Variants in GKAP1 observed in about 807,000 individuals in gnomAD.
GKAP1 encodes G kinase anchoring protein 1, also known as G kinase-anchoring protein 1.
In GKAP1, 31 loss-of-function variants were observed where a neutral mutation model predicts 56.7. The ratio of observed to expected loss-of-function variants is 0.55; its 90% CI spans 0.41 to 0.74. GKAP1 has a LOEUF of 0.74. GKAP1 is among the 30% of genes least tolerant of loss of function. The pLI is 0.00. For missense variants in GKAP1, 364 were observed against 402.3 expected, an observed-to-expected ratio of 0.90 and a Z score of 0.82; for synonymous variants, 151 against 138.6, an observed-to-expected ratio of 1.09 and a Z score of -0.63.
intron 4 of GKAP1, among the ~76,000 whole-genome samples, chr9:83,791,937 T>C (rs1413130817): frequency 1.3e-5 from 2 of 152,212 alleles, no homozygotes; most frequent in Non-Finnish European, 2.9e-5. Flanking sequence ...GTTAATGTTA[T>C]AATATTAAGA....
intron 4 of GKAP1, among the ~76,000 whole-genome samples, 155 bp downstream of exon 4, chr9:83,799,030 T>C (rs553001142): frequency 1.3e-5 from 2 of 152,258 alleles, no homozygotes; most frequent in African/African-American, 4.8e-5. Flanking sequence ...TTTCAGTAGA[T>C]CAAAAACAGA....
intron 3 of GKAP1, among the ~76,000 whole-genome samples, chr9:83,803,378 G>A (rs562837677): frequency 3.9e-5 from 6 of 152,160 alleles, no homozygotes; most frequent in South Asian, 2.1e-4. Flanking sequence ...TCAGCCTGCC[G>A]AGTGCCTGCG....
chr9:83,766,966 T>C (rs1258633700), intron 8 of GKAP1, among the ~76,000 whole-genome samples: 1 of 152,196 alleles, frequency 6.6e-6, no homozygotes, highest in Non-Finnish European at 1.5e-5. Context: ...AAAGTGTTCA[T>C]GGGGACATTA....
intron 1 of GKAP1, 31 bp downstream of exon 1, chr9:83,817,486 C>T (rs1244305735): frequency 6.6e-6 from 1 of 151,428 alleles, no homozygotes; most frequent in Non-Finnish European, 1.5e-5. Flanking sequence ...GAGCGGACAC[C>T]CGCGAGGCGG....
chr9:83,787,403 A>C (rs114164471), intron 5 of GKAP1, among the ~76,000 whole-genome samples: 4 of 102,930 alleles, frequency 3.9e-5, no homozygotes, highest in African/African-American at 1.2e-4. Flanking sequence ...TGCCCAGCTA[A>C]TTAAAAAAAA....
At chr9:83,795,438 C>T (rs766915102) in intron 4 of GKAP1, among the ~76,000 whole-genome samples, 10 of 152,026 alleles carry the variant, frequency 6.6e-5, no homozygotes, top group African/African-American at 1.2e-4. Flanking sequence ...CTTTATTGAA[C>T]TAGCTTAAAT....
chr9:83,752,980 T>C (rs114843054), intron 9 of GKAP1, among the ~76,000 whole-genome samples: 1,956 of 151,848 alleles, frequency 0.013, 34 homozygotes, highest in African/African-American at 0.045. Context: ...GGAGAATCGC[T>C]TGAACCCAGG....
At chr9:83,793,295 C>T (rs1285772650) in intron 4 of GKAP1, among the ~76,000 whole-genome samples, 1 of 152,200 alleles carries the variant, frequency 6.6e-6, no homozygotes, top group African/African-American at 2.4e-5. Context: ...ACATCTAACA[C>T]TTGCAGCCAA....
At chr9:83,803,242 T>TCTCCC (rs1426375867) in intron 3 of GKAP1, among the ~76,000 whole-genome samples, 1 of 148,978 alleles carries the variant, frequency 6.7e-6, no homozygotes, top group Non-Finnish European at 1.5e-5. Flanking sequence ...CCCTCTCCCC[T>TCTCCC]CTCCCCTCTC....
At chr9:83,769,340 A>T (rs1178347719) in intron 7 of GKAP1, among the ~76,000 whole-genome samples, 2 of 152,190 alleles carry the variant, frequency 1.3e-5, no homozygotes, top group Non-Finnish European at 1.5e-5. Flanking sequence ...ACTATATAAC[A>T]ATTCCATCAC....
Position 83,739,711 on chromosome 9 carries a change from C to A in GKAP1, c.1087G>T (p.Asp363Tyr). 1.2e-6 allele frequency: 2 copies of A among 1,607,898 alleles called. No homozygotes were observed. The highest frequency in any genetic ancestry group is 1.1e-5 in the South Asian group (1 of 90,204). ...GGCTAATGTAATCACCTACACTGGT[C>A]GGATTCAGAGTTTCTTTTCCCTTTT... ...GRKGKRNSES[D>Y]QCR is the part of the protein sequence containing the mutation. The change falls in exon 13 of 13, where the codon GAC (aspartate) becomes TAC (tyrosine). Residue 363 changes from aspartate (D) to tyrosine (Y), a missense_variant. Transcript: ENST00000376371.
intron 9 of GKAP1, among the ~76,000 whole-genome samples, chr9:83,752,141 C>T (rs562637314): frequency 2.6e-5 from 4 of 152,290 alleles, no homozygotes; most frequent in South Asian, 2.1e-4. Flanking sequence ...CAGTGGCTCA[C>T]GCCTGTAACC....
chr9:83,796,618 C>T lies in GKAP1; in HGVS notation c.360+2567G>A, dbSNP rs111381429. Among the ~76,000 whole-genome samples the T allele has an allele frequency of 6.6e-5, 10 of 152,286 alleles. 1 individual carries two copies. The highest frequency in any genetic ancestry group is 2.4e-4 in the African/African-American group (10 of 41,558). ...GAGTACCTGGGATTACAGGCATGCA[C>T]CATCACGCCTGGCTAATTTTGTATT... On this transcript the variant is annotated intron_variant, in intron 4 of 12. Transcript: ENST00000376371.
At chr9:83,746,050 C>CA (rs1473500236) in intron 10 of GKAP1, among the ~76,000 whole-genome samples, 1 of 152,172 alleles carries the variant, frequency 6.6e-6, no homozygotes, top group Non-Finnish European at 1.5e-5. Context: ...CTCGGCCTCC[C>CA]AAAGTGCTGG....
chr9:83,780,108 C>T (rs1009532867), intron 7 of GKAP1, among the ~76,000 whole-genome samples: 3 of 151,988 alleles, frequency 2.0e-5, no homozygotes, highest in Admixed American at 2.0e-4. Context: ...GCTTGGCACA[C>T]ACAAAGTAAC....
chr9:83,817,364 C>T (rs1217464621), intron 1 of GKAP1, 153 bp downstream of exon 1: 1 of 151,908 alleles, frequency 6.6e-6, no homozygotes, highest in Non-Finnish European at 1.5e-5. Flanking sequence ...GTGCCCTCTG[C>T]CCAGCGGCTC....
chr9:83,810,744 A>T (rs1275885777), intron 2 of GKAP1, among the ~76,000 whole-genome samples: 3 of 152,268 alleles, frequency 2.0e-5, no homozygotes, highest in Admixed American at 2.0e-4. Flanking sequence ...ATAAGTTAAT[A>T]TACATAAAGT....
intron 4 of GKAP1, 79 bp downstream of exon 4, chr9:83,799,106 C>G: frequency 8.3e-7 from 1 of 1,200,760 alleles, no homozygotes; most frequent in Non-Finnish European, 1.2e-6. Context: ...ACAGTGGTGA[C>G]GTGAATTCAG....
chr9:83,743,259 A>C (rs896455132), intron 10 of GKAP1, among the ~76,000 whole-genome samples: 2 of 152,172 alleles, frequency 1.3e-5, no homozygotes, highest in African/African-American at 4.8e-5. Context: ...ACAAAATTTC[A>C]CATATGGAAA....
Sources: gnomAD v4.1 joint callset for allele counts (sites outside exome capture counted in the v4.1 genomes callset) on GRCh38, gnomAD v4.1.1 for gene constraint, MANE v1.5 for transcripts, NCBI Gene and HGNC (gene_info 2026-07-23, HGNC 2026-07-21) for gene names.